The following CLNK variants were observed in gnomAD, a reference collection of about 807,000 sequenced individuals.
CLNK encodes cytokine-dependent hematopoietic cell linker.
In CLNK, 74 loss-of-function variants were observed where a neutral mutation model predicts 68.6. The observed-to-expected ratio is 1.08, with a 90% CI of 0.89 to 1.31. The LOEUF is 1.31. CLNK is among the 50% of genes most tolerant of loss of function. The pLI is 0.00. For synonymous variants in CLNK, 198 were observed against 172.2 expected, an observed-to-expected ratio of 1.15 and a Z score of -1.17; for missense variants, 553 against 515.3, an observed-to-expected ratio of 1.07 and a Z score of -0.71.
At chr4:10,512,230 T>C (rs561205457) in intron 16 of CLNK, among the ~76,000 whole-genome samples, 1 of 151,260 alleles carries the variant, frequency 6.6e-6, no homozygotes, top group African/African-American at 2.4e-5. Context: ...AAGAAGGATA[T>C]GCATTTTTTT....
chr4:10,529,504 G>A (rs1470839271), intron 12 of CLNK, among the ~76,000 whole-genome samples: 1 of 152,214 alleles, frequency 6.6e-6, no homozygotes, highest in East Asian at 1.9e-4. Context: ...TCCCTCTGAA[G>A]CTAGCCAACA....
At chr4:10,722,666 T>C in the CLNK span, among the ~76,000 whole-genome samples, 2 of 152,202 alleles carry the variant, frequency 1.3e-5, no homozygotes, top group African/African-American at 4.8e-5. Flanking sequence ...AGCAGATTTA[T>C]TGAGATCTGC....
chr4:10,606,093 G>T (rs750742747), intron 2 of CLNK, among the ~76,000 whole-genome samples: 1 of 152,110 alleles, frequency 6.6e-6, no homozygotes, highest in African/African-American at 2.4e-5. Flanking sequence ...ATTTAAAAAT[G>T]TTGACTCTTG....
intron 2 of CLNK, among the ~76,000 whole-genome samples, chr4:10,664,109 AGT>A: frequency 6.6e-6 from 1 of 152,316 alleles, no homozygotes; most frequent in African/African-American, 2.4e-5. Flanking sequence ...AATTAGTCAT[AGT>A]TACAAAGTCT....
At chr4:10,654,381 T>TATATATATATATATATATATA in intron 2 of CLNK, among the ~76,000 whole-genome samples, 1 of 67,780 alleles carries the variant, frequency 1.5e-5, no homozygotes, top group African/African-American at 4.0e-5. Context: ...TATATATTGA[T>TATATATATATATATATATATA]TAAATATATA....
At chr4:10,513,390 G>A (rs1717683263) in intron 16 of CLNK, 74 bp downstream of exon 16, 1 of 1,372,482 alleles carries the variant, frequency 7.3e-7, no homozygotes, top group Non-Finnish European at 1.0e-6. Flanking sequence ...ATCTCCTTTT[G>A]GGCATTGTTC....
In CLNK at chr4:10,566,105, C is replaced by A. The variant is rs1720100385; in HGVS notation, c.196G>T (p.Asp66Tyr). 1 of 1,613,802 alleles carries A rather than the reference C, an allele frequency of 6.2e-7. No individual in the cohort carries two copies. The highest frequency in any genetic ancestry group is 8.5e-7 in the Non-Finnish European group (1 of 1,179,848). ...AGCTCAGGGTCATCATAGTCATCATCACTGTGGCCTTTTGCTCCATCCAGG... is the reference window on the plus strand; with the variant it reads ...AGCTCAGGGTCATCATAGTCATCATAACTGTGGCCTTTTGCTCCATCCAGG... The part of the protein sequence containing the change: ...AVLDGAKGHS[D>Y]DDYDDPELRM... The change falls in exon 6 of 19, where the codon GAT becomes TAT. Residue 66 changes from aspartate to tyrosine, a missense_variant. By Grantham distance (160) the Asp-to-Tyr change is radical (BLOSUM62 -3). Coordinates refer to ENST00000226951, the MANE Select transcript of CLNK (RefSeq NM_052964.4).
At chr4:10,616,191 T>A (rs1253595536) in intron 2 of CLNK, among the ~76,000 whole-genome samples, 3 of 152,248 alleles carry the variant, frequency 2.0e-5, no homozygotes, top group African/African-American at 7.2e-5. Flanking sequence ...TATGCTGCTG[T>A]TCATCTCTTC....
chr4:10,633,617 A>C (rs1019206918), intron 2 of CLNK, among the ~76,000 whole-genome samples: 1 of 152,216 alleles, frequency 6.6e-6, no homozygotes, highest in African/African-American at 2.4e-5. Flanking sequence ...GTAGGTGTCT[A>C]TCTGCAAGGT....
At chr4:10,575,319 A>G (rs1720519617) in intron 4 of CLNK, among the ~76,000 whole-genome samples, 1 of 152,160 alleles carries the variant, frequency 6.6e-6, no homozygotes, top group African/African-American at 2.4e-5. Context: ...ACGCTACTTC[A>G]GGAGCTTGCA....
intron 14 of CLNK, among the ~76,000 whole-genome samples, chr4:10,524,320 T>A (rs1241682069): frequency 1.3e-5 from 2 of 152,142 alleles, no homozygotes; most frequent in Admixed American, 1.3e-4. Flanking sequence ...CATGCCCCGA[T>A]ATACAGGGCC....
At chr4:10,507,490 A>G (rs925526462) in intron 17 of CLNK, among the ~76,000 whole-genome samples, 1 of 131,938 alleles carries the variant, frequency 7.6e-6, no homozygotes, top group Non-Finnish European at 1.6e-5. Context: ...TTGAGACAGC[A>G]TCTCACTCTG....
At chr4:10,521,016 C>T (rs989145296) in intron 14 of CLNK, among the ~76,000 whole-genome samples, 185 bp from the exon 15 acceptor site, 2 of 152,192 alleles carry the variant, frequency 1.3e-5, no homozygotes, top group Non-Finnish European at 2.9e-5. Context: ...ATCCTCCTTT[C>T]TCAAGCTGGC....
At chr4:10,525,950 C>G in intron 13 of CLNK, 28 bp from the exon 14 acceptor site, 1 of 1,422,594 alleles carries the variant, frequency 7.0e-7, no homozygotes, top group South Asian at 1.3e-5. Flanking sequence ...ATAATTTGGT[C>G]AGGTTGCAAA....
chr4:10,545,756 G>A (rs56229205), intron 8 of CLNK, among the ~76,000 whole-genome samples: 8,881 of 152,174 alleles, frequency 0.058, 526 homozygotes, highest in African/African-American at 0.13. Context: ...GGCCTTTGAC[G>A]TCTTTTGAAA....
At chr4:10,613,153 C>G (rs368950849) in intron 2 of CLNK, among the ~76,000 whole-genome samples, 1 of 152,042 alleles carries the variant, frequency 6.6e-6, no homozygotes, top group East Asian at 1.9e-4. Flanking sequence ...ACAACAATAA[C>G]AGTAAACAGA....
chr4:10,696,538 C>G, the CLNK span, among the ~76,000 whole-genome samples: 5 of 152,182 alleles, frequency 3.3e-5, no homozygotes, highest in Non-Finnish European at 5.9e-5. Flanking sequence ...AAGATGTAAG[C>G]TGGCAATAAA....
chr4:10,679,661 A>G (rs1323902820), intron 1 of CLNK, among the ~76,000 whole-genome samples: 4 of 152,318 alleles, frequency 2.6e-5, no homozygotes, highest in African/African-American at 9.6e-5. Flanking sequence ...ACTCAAACAA[A>G]TTTACAAGAA....
intron 18 of CLNK, among the ~76,000 whole-genome samples, chr4:10,494,847 T>C (rs1304343257): frequency 6.6e-6 from 1 of 152,186 alleles, no homozygotes; most frequent in Non-Finnish European, 1.5e-5. Flanking sequence ...ATATTCAAGC[T>C]CTCTTACATA....
Sources: allele counts gnomAD v4.1 joint callset (sites outside exome capture counted in the v4.1 genomes callset), GRCh38; gene constraint gnomAD v4.1.1; transcripts MANE v1.5; gene names NCBI Gene and HGNC (gene_info 2026-07-23, HGNC 2026-07-21).